Variants in B3GLCT observed in about 807,000 individuals in gnomAD.
The protein encoded by B3GLCT is beta 3-glucosyltransferase.
In B3GLCT, 65 loss-of-function variants were observed where a neutral mutation model predicts 63.4. That is an observed-to-expected ratio of 1.03 (90% CI 0.84 to 1.26). The LOEUF (loss-of-function observed/expected upper bound fraction) is 1.26. Among genes scored for constraint, B3GLCT ranks in the 50% most tolerant of loss-of-function variants. B3GLCT has a pLI of 0.00. For missense variants in B3GLCT, 577 were observed against 604.8 expected (o/e 0.95, Z 0.48); for synonymous variants, 233 against 219.2 (o/e 1.06, Z -0.55).
chr13:31,203,159 G>T (rs1234876524), intron 1 of B3GLCT, among the ~76,000 whole-genome samples: 1 of 152,202 alleles, frequency 6.6e-6, no homozygotes, highest in Non-Finnish European at 1.5e-5. Context: ...GTCTTGCCCA[G>T]ATTCCTTTCA....
chr13:31,239,864 A>C (rs540893227), intron 4 of B3GLCT, among the ~76,000 whole-genome samples: 1 of 152,282 alleles, frequency 6.6e-6, no homozygotes, highest in Non-Finnish European at 1.5e-5. Context: ...ATAAAGCATA[A>C]TTGCATTGCT....
At chr13:31,284,884 T>G in intron 11 of B3GLCT, 123 bp downstream of exon 11, 1 of 703,458 alleles carries the variant, frequency 1.4e-6, no homozygotes, top group Non-Finnish European at 2.5e-6. Context: ...TATTAGTTTT[T>G]TCCCTTCTCT....
chr13:31,274,042 C>T (rs1320115911), intron 8 of B3GLCT, among the ~76,000 whole-genome samples: 1 of 152,170 alleles, frequency 6.6e-6, no homozygotes, highest in African/African-American at 2.4e-5. Flanking sequence ...CAGGATCTCA[C>T]TTTCCCATTT....
At chr13:31,289,867 T>C (rs1361133822) in intron 12 of B3GLCT, among the ~76,000 whole-genome samples, 2 of 142,166 alleles carry the variant, frequency 1.4e-5, no homozygotes, top group African/African-American at 2.7e-5. Flanking sequence ...ACATTGGTAG[T>C]TTTTTTTTTT....
intron 7 of B3GLCT, among the ~76,000 whole-genome samples, chr13:31,264,394 T>C (rs1443569474): frequency 6.6e-6 from 1 of 152,116 alleles, no homozygotes; most frequent in Non-Finnish European, 1.5e-5. Flanking sequence ...GTCACAACGC[T>C]CAACAGTGAC....
At chr13:31,260,893 T>G in intron 6 of B3GLCT, 53 bp from the exon 7 acceptor site, 1 of 1,541,708 alleles carries the variant, frequency 6.5e-7, no homozygotes, top group South Asian at 1.1e-5. Context: ...CTTCTATTGG[T>G]CTTACATGAA....
intron 7 of B3GLCT, among the ~76,000 whole-genome samples, chr13:31,262,180 G>C (rs998040803): frequency 2.0e-5 from 3 of 151,940 alleles, no homozygotes; most frequent in African/African-American, 7.2e-5. Context: ...TGATTTCTGT[G>C]GTACAAATCT....
chr13:31,261,787 G>A (rs1046485303), intron 7 of B3GLCT, among the ~76,000 whole-genome samples: 1 of 152,028 alleles, frequency 6.6e-6, no homozygotes, highest in African/African-American at 2.4e-5. Flanking sequence ...TAGGATTTGG[G>A]GTCTTGAAAA....
chr13:31,237,483 A>G (rs555903257), intron 4 of B3GLCT, among the ~76,000 whole-genome samples: 1 of 151,716 alleles, frequency 6.6e-6, no homozygotes, highest in African/African-American at 2.4e-5. Flanking sequence ...TCTCCAGAGC[A>G]GCTGGAGTTA....
intron 4 of B3GLCT, among the ~76,000 whole-genome samples, chr13:31,232,987 G>T (rs1041771315): frequency 6.6e-6 from 1 of 152,136 alleles, no homozygotes. Flanking sequence ...ACCTTTGGCC[G>T]TATGTACGCA....
Position 31,200,115 on chromosome 13 carries a change from G to C in B3GLCT, c.31G>C (p.Ala11Pro). Residue 11 changes from alanine (A) to proline (P), a missense_variant, in exon 1 of 15, where the codon GCG (alanine) becomes CCG (proline). By Grantham distance (27) the Ala-to-Pro change is conservative (BLOSUM62 -1). Coordinates refer to ENST00000343307, the MANE Select transcript of B3GLCT (RefSeq NM_194318.4). MRPPACWWLL[A>P]PPALLALLTC... ...GCCGCCCGCCTGCTGGTGGCTGCTC[G>C]CGCCGCCGGCGCTGCTCGCGCTCCT... is the stretch of plus-strand genomic sequence containing the variant. 1 of 1,375,810 alleles carries C rather than the reference G, an allele frequency of 7.3e-7. No individual in the cohort carries two copies. The highest frequency in any genetic ancestry group is 1.5e-5 in the African/African-American group (1 of 65,980). The allele number at this position is 1,375,810 out of a possible 1,614,324, so 85.2% of individuals were successfully genotyped here. A position where few individuals can be genotyped will look rare whatever the true frequency, so the allele number is the denominator to read the frequency against.
chr13:31,210,610 C>A (rs2137737541), intron 1 of B3GLCT, among the ~76,000 whole-genome samples: 1 of 152,320 alleles, frequency 6.6e-6, no homozygotes, highest in African/African-American at 2.4e-5. Context: ...CATCTCTTTG[C>A]ACCATCTCTC....
At chr13:31,241,064 T>C (rs1870916333) in intron 4 of B3GLCT, among the ~76,000 whole-genome samples, 3 of 152,222 alleles carry the variant, frequency 2.0e-5, no homozygotes, top group Non-Finnish European at 4.4e-5. Context: ...AAATAGAACA[T>C]TGAGATTCAA....
intron 7 of B3GLCT, among the ~76,000 whole-genome samples, chr13:31,264,832 C>T (rs920469304): frequency 1.3e-5 from 2 of 152,172 alleles, no homozygotes. Flanking sequence ...TATCAATTAG[C>T]ATGCTTTTGG....
chr13:31,200,510 T>C (rs1868596804), intron 1 of B3GLCT, among the ~76,000 whole-genome samples: 1 of 150,212 alleles, frequency 6.7e-6, no homozygotes, highest in Non-Finnish European at 1.5e-5. Context: ...GCGCAGGAAC[T>C]GTGCCACCGA....
intron 2 of B3GLCT, among the ~76,000 whole-genome samples, chr13:31,220,933 T>G (rs1869778846): frequency 6.6e-6 from 1 of 152,182 alleles, no homozygotes; most frequent in African/African-American, 2.4e-5. Flanking sequence ...GACTTTTGCT[T>G]TCTATATTAT....
At chr13:31,294,307 T>C (rs571537661) in intron 12 of B3GLCT, among the ~76,000 whole-genome samples, 1 of 152,252 alleles carries the variant, frequency 6.6e-6, no homozygotes, top group Admixed American at 6.5e-5. Flanking sequence ...CTCTTCCTGA[T>C]GAGTATCTTT....
At chr13:31,287,289 A>C (rs1251852487) in intron 12 of B3GLCT, among the ~76,000 whole-genome samples, 2 of 152,134 alleles carry the variant, frequency 1.3e-5, no homozygotes, top group Admixed American at 1.3e-4. Flanking sequence ...TGATCAGTGC[A>C]TATGTGTGAG....
chr13:31,256,199 T>C (rs1200283948), intron 6 of B3GLCT, among the ~76,000 whole-genome samples: 1 of 152,226 alleles, frequency 6.6e-6, no homozygotes, highest in Non-Finnish European at 1.5e-5. Context: ...CATCACTGGT[T>C]ATTAGAGAAA....
Sources: gnomAD v4.1 joint callset for allele counts (sites outside exome capture counted in the v4.1 genomes callset) on GRCh38, gnomAD v4.1.1 for gene constraint, MANE v1.5 for transcripts, NCBI Gene and HGNC (gene_info 2026-07-23, HGNC 2026-07-21) for gene names.